Variants in FER1L6 observed in about 807,000 individuals in gnomAD.
FER1L6 encodes fer-1-like protein 6.
A neutral mutation model predicts 219.2 loss-of-function variants in FER1L6; 177 were observed. That is an observed-to-expected ratio of 0.81 (90% CI 0.71 to 0.91). FER1L6 has a LOEUF of 0.91. Ranked by LOEUF, FER1L6 falls within the 40% of genes least tolerant of loss-of-function variation. The pLI is 0.00. For synonymous variants in FER1L6, 768 were observed against 824.3 expected, an observed-to-expected ratio of 0.93 and a Z score of 1.17; for missense variants, 2,153 against 2,259.9, an observed-to-expected ratio of 0.95 and a Z score of 0.96.
chr8:124,066,532 C>A lies in FER1L6; in HGVS notation c.3660C>A (p.Ser1220=). The change falls in exon 27 of 41, where the codon TCC becomes TCA. Residue 1220 remains serine (S), a synonymous_variant. Transcript: ENST00000522917. The part of the protein sequence containing the change: ...VIDWWSKYYA[S]LKKAQKAKER... ...ACTGGTGGTCTAAGTATTATGCCTC[C>A]CTGAAGAAAGCCCAGAAGGTAGAGT... The A allele has an allele frequency of 6.2e-7, 1 of 1,613,866 alleles. No homozygotes were observed. The highest frequency in any genetic ancestry group is 8.5e-7 in the Non-Finnish European group (1 of 1,179,866).
At chr8:123,936,384 C>T (rs55794079) in intron 1 of FER1L6, among the ~76,000 whole-genome samples, 1 of 151,222 alleles carries the variant, frequency 6.6e-6, no homozygotes, top group African/African-American at 2.4e-5. Context: ...TTTATATTAT[C>T]TGCTGAGTTA....
chr8:123,932,949 A>T (rs895522744), intron 1 of FER1L6, among the ~76,000 whole-genome samples: 1 of 152,196 alleles, frequency 6.6e-6, no homozygotes, highest in Non-Finnish European at 1.5e-5. Flanking sequence ...AAAGAACAGG[A>T]TGTGGCTGGG....
At chr8:124,009,442 G>A (rs370372805) in intron 13 of FER1L6, among the ~76,000 whole-genome samples, 1 of 152,146 alleles carries the variant, frequency 6.6e-6, no homozygotes, top group Non-Finnish European at 1.5e-5. Context: ...GAGCCCAGGG[G>A]AGGAGCCGGT....
chr8:123,975,992 T>G lies in FER1L6; in HGVS notation c.778T>G (p.Ser260Ala). 1 of 1,614,066 alleles carries G rather than the reference T, an allele frequency of 6.2e-7. No individual in the cohort carries two copies. The highest frequency in any genetic ancestry group is 8.5e-7 in the Non-Finnish European group (1 of 1,179,948). Residue 260 changes from serine (S) to alanine (A), a missense_variant, in exon 9 of 41, where the codon TCA becomes GCA. Physicochemically the swap from Ser to Ala is moderately conservative, Grantham distance 99. Transcript: ENST00000522917. The stretch of plus-strand genomic sequence containing the variant: ...AGCAGAAGGGTTGCCCAAAATGAAT[T>G]CAAGCATCATGGCGAACGTCACCAA... ...YKAEGLPKMN[S>A]SIMANVTKAF... is the part of the protein sequence containing the mutation.
chr8:124,119,579 T>G, intron 40 of FER1L6, 28 bp from the exon 41 acceptor site: 1 of 1,514,872 alleles, frequency 6.6e-7, no homozygotes, highest in African/African-American at 1.4e-5. Flanking sequence ...GATGCCCCCT[T>G]TTTGATTTTC....
At chr8:123,990,655 T>C (rs1284192939) in intron 12 of FER1L6, among the ~76,000 whole-genome samples, 1 of 152,236 alleles carries the variant, frequency 6.6e-6, no homozygotes, top group Non-Finnish European at 1.5e-5. Context: ...AAAGGTTTTC[T>C]CCCATTCTAT....
intron 26 of FER1L6, among the ~76,000 whole-genome samples, 161 bp downstream of exon 26, chr8:124,064,734 C>G (rs1195295697): frequency 2.0e-5 from 3 of 152,210 alleles, no homozygotes; most frequent in African/African-American, 7.2e-5. Flanking sequence ...TTACCCACTT[C>G]ACAGCTTTGT....
At chr8:123,885,320 T>G (rs146750360) in intron 1 of FER1L6, among the ~76,000 whole-genome samples, 1 of 152,210 alleles carries the variant, frequency 6.6e-6, no homozygotes, top group Non-Finnish European at 1.5e-5. Flanking sequence ...TCTTCTTGCC[T>G]CACCCTTCTG....
At chr8:123,946,406 C>T (rs975156718) in intron 1 of FER1L6, among the ~76,000 whole-genome samples, 2 of 152,116 alleles carry the variant, frequency 1.3e-5, no homozygotes, top group South Asian at 4.1e-4. Flanking sequence ...CATACACCAC[C>T]ACACCCAGCT....
At position 123,901,962 on chromosome 8, in the gene FER1L6, C is replaced by CT. The variant is rs111966678; in HGVS notation, c.-8+49777_-8+49778insT. On this transcript the variant is annotated intron_variant, in intron 1 of 40. Transcript: ENST00000522917. ...GTCTCAATCTCCAGACTTCGTTATCCCCCACCTCAGCCTCCCCAAGTACTG... is the reference window on the plus strand; with the variant it reads ...GTCTCAATCTCCAGACTTCGTTATCCTCCCACCTCAGCCTCCCCAAGTACTG... Among the ~76,000 whole-genome samples the CT allele has an allele frequency of 7.4e-3, 1,123 of 152,072 alleles. 14 individuals are homozygous for CT. The highest frequency in any genetic ancestry group is 0.026 in the African/African-American group (1,074 of 41,490).
intron 1 of FER1L6, among the ~76,000 whole-genome samples, chr8:123,896,592 G>A (rs984655910): frequency 2.6e-5 from 4 of 152,026 alleles, no homozygotes; most frequent in Non-Finnish European, 2.9e-5. Flanking sequence ...ATTTTAAAGC[G>A]TCTATTATTT....
intron 40 of FER1L6, 105 bp from the exon 41 acceptor site, chr8:124,119,502 T>C: frequency 4.0e-6 from 3 of 759,194 alleles, no homozygotes; most frequent in South Asian, 3.3e-5. Context: ...GGGCTCTCCC[T>C]ATGGGTCCTC....
intron 2 of FER1L6, among the ~76,000 whole-genome samples, chr8:123,961,563 G>C (rs575741263): frequency 1.3e-5 from 2 of 152,142 alleles, no homozygotes; most frequent in Non-Finnish European, 2.9e-5. Context: ...CCCACAGAGC[G>C]CAGAGACAGA....
intron 7 of FER1L6, 73 bp from the exon 8 acceptor site, chr8:123,975,077 C>T (rs535817794): frequency 4.5e-5 from 62 of 1,373,360 alleles, no homozygotes; most frequent in Middle Eastern, 2.8e-4. Flanking sequence ...GAGGCCTTGG[C>T]GTGTGGGAGA....
intron 3 of FER1L6, among the ~76,000 whole-genome samples, chr8:123,965,073 T>C (rs545729598): frequency 6.6e-6 from 1 of 152,348 alleles, no homozygotes; most frequent in East Asian, 1.9e-4. Flanking sequence ...TATTTACCCT[T>C]TCTTACCTGC....
chr8:123,956,116 T>G (rs2130127994), intron 2 of FER1L6, 42 bp downstream of exon 2: 4 of 1,520,364 alleles, frequency 2.6e-6, no homozygotes, highest in Non-Finnish European at 3.6e-6. Flanking sequence ...GGCCTGAGAG[T>G]CTCGCAGAGT....
At chr8:124,042,397 A>G (rs1819541470) in intron 20 of FER1L6, among the ~76,000 whole-genome samples, 1 of 152,242 alleles carries the variant, frequency 6.6e-6, no homozygotes, top group Non-Finnish European at 1.5e-5. Context: ...AGCATTTTAT[A>G]TGCATCATTT....
At chr8:123,870,054 C>T (rs1816899275) in intron 1 of FER1L6, among the ~76,000 whole-genome samples, 1 of 152,194 alleles carries the variant, frequency 6.6e-6, no homozygotes, top group Admixed American at 6.5e-5. Flanking sequence ...TGAAAAGATG[C>T]TCAAAGTCAT....
At position 124,013,432 on chromosome 8, in the gene FER1L6, A is replaced by G; in HGVS notation, c.1823A>G (p.Glu608Gly). ...NMLEKMADFL[E>G]ESIEEVRELI... ...TCCACCCCTGTGGTTTGTTTTCAGG[A>G]AGAAAGTATAGAAGAAGTGAGAGAA... Residue 608 changes from glutamate (E) to glycine (G), a missense_variant and splice_region_variant, in exon 15 of 41, where the codon GAA becomes GGA. Coordinates refer to ENST00000522917, the MANE Select transcript of FER1L6 (RefSeq NM_001039112.2). 1 of 1,599,742 alleles carries G rather than the reference A, an allele frequency of 6.3e-7. No individual in the cohort carries two copies. Among genetic ancestry groups the G allele is most frequent in the Admixed American group, 1.8e-5 (1 of 56,604 alleles).
Sources: gnomAD v4.1 joint callset for allele counts (sites outside exome capture counted in the v4.1 genomes callset) on GRCh38, gnomAD v4.1.1 for gene constraint, MANE v1.5 for transcripts, NCBI Gene and HGNC (gene_info 2026-07-23, HGNC 2026-07-21) for gene names.